Variants in PTPRD observed in about 807,000 individuals in gnomAD.
The protein encoded by PTPRD is receptor-type tyrosine-protein phosphatase delta.
Under a neutral mutation model 214.5 loss-of-function variants are expected in PTPRD, and 34 were observed. The ratio of observed to expected loss-of-function variants is 0.16; its 90% CI spans 0.12 to 0.21. PTPRD has a LOEUF of 0.21. Ranked by LOEUF, PTPRD falls within the 10% of genes least tolerant of loss-of-function variation. The pLI is 1.00. For synonymous variants in PTPRD, 1,128 were observed against 845.7 expected, an observed-to-expected ratio of 1.33 and a Z score of -5.79; for missense variants, 2,545 against 2,398.7, an observed-to-expected ratio of 1.06 and a Z score of -1.27.
rs556597237 is a variant in PTPRD, at chr9:9,801,871, G to T, written c.-367-35020C>A. Among the ~76,000 whole-genome samples the T allele has an allele frequency of 2.0e-5, 3 of 152,060 alleles. No homozygotes were observed. The East Asian group carries it at 5.8e-4, about 29-fold the overall frequency. On this transcript the variant is annotated intron_variant, in intron 5 of 45. Coordinates refer to ENST00000381196, the MANE Select transcript of PTPRD (RefSeq NM_002839.4). ...GGCATTTCCATCAGGATACATGTTG[G>T]CACAAAACTCAGGCAAGCAGTGCTT...
intron 8 of PTPRD, among the ~76,000 whole-genome samples, chr9:9,433,118 TAAAG>T (rs2083872838): frequency 6.6e-6 from 1 of 152,098 alleles, no homozygotes; most frequent in African/African-American, 2.4e-5. Context: ...GAAGAAAAAG[TAAAG>T]AAAGTGGCAG....
chr9:8,517,870 T>C lies in PTPRD; in HGVS notation c.1521A>G (p.Ile507Met), dbSNP rs1377861449. ...SIGDGPLSSD[I>M]QVITQTGVPG... ...TACCTCCTGTCTGAGTGATGACTTG[T>C]ATGTCACTTGAAAGGGGACCATCTC... Residue 507 changes from isoleucine (I) to methionine (M), a missense_variant, in exon 21 of 46, where the codon ATA becomes ATG. Transcript: ENST00000381196. 3 of 1,613,760 alleles carry C rather than the reference T, an allele frequency of 1.9e-6. No homozygotes were observed. Among genetic ancestry groups the C allele is most frequent in the Non-Finnish European group, 2.5e-6 (3 of 1,179,840 alleles).
intron 9 of PTPRD, among the ~76,000 whole-genome samples, chr9:9,243,152 A>T (rs955912947): frequency 2.6e-5 from 4 of 152,102 alleles, no homozygotes; most frequent in African/African-American, 9.7e-5. Context: ...GCTGCAGAAC[A>T]GCAAATATTG....
intron 9 of PTPRD, among the ~76,000 whole-genome samples, chr9:9,250,049 T>C (rs2099974822): frequency 6.6e-6 from 1 of 152,078 alleles, no homozygotes; most frequent in African/African-American, 2.4e-5. Flanking sequence ...GGGGAAATCA[T>C]TTTTAATATG....
At chr9:9,501,415 T>C (rs927974576) in intron 8 of PTPRD, among the ~76,000 whole-genome samples, 17 of 151,858 alleles carry the variant, frequency 1.1e-4, no homozygotes, top group Non-Finnish European at 2.5e-4. Context: ...TCAATTCACA[T>C]AAAGACATAA....
chr9:10,282,883 C>G (rs1596099162), intron 3 of PTPRD, among the ~76,000 whole-genome samples: 1 of 152,072 alleles, frequency 6.6e-6, no homozygotes, highest in Non-Finnish European at 1.5e-5. Context: ...CTCAAAGAAA[C>G]CTTCCTTGAA....
chr9:9,866,721 G>T (rs1447292340), intron 5 of PTPRD, among the ~76,000 whole-genome samples: 1 of 152,044 alleles, frequency 6.6e-6, no homozygotes, highest in South Asian at 2.1e-4. Context: ...ATACGCCCTT[G>T]TGGAAAACAT....
At chr9:9,845,165 AAT>A (rs34892220) in intron 5 of PTPRD, among the ~76,000 whole-genome samples, 112 of 5,532 alleles carry the variant, frequency 0.02, 11 homozygotes, top group Non-Finnish European at 0.039. Context: ...TATATAGAGC[AAT>A]ATATATATAT....
intron 3 of PTPRD, among the ~76,000 whole-genome samples, chr9:10,308,182 G>C (rs1045447981): frequency 1.5e-4 from 23 of 151,810 alleles, no homozygotes; most frequent in African/African-American, 5.6e-4. Context: ...TCTTATAGTA[G>C]TTTTGTAATT....
intron 5 of PTPRD, among the ~76,000 whole-genome samples, chr9:9,838,840 C>A (rs1219234655): frequency 6.6e-6 from 1 of 151,992 alleles, no homozygotes; most frequent in Admixed American, 6.6e-5. Flanking sequence ...AAGTCCTTGC[C>A]CATGCCTATG....
At chr9:9,931,237 T>C (rs954356857) in intron 5 of PTPRD, among the ~76,000 whole-genome samples, 9 of 152,136 alleles carry the variant, frequency 5.9e-5, no homozygotes, top group Non-Finnish European at 1.2e-4. Context: ...GATGGCCGAA[T>C]AGGAACAGCT....
At chr9:9,641,127 G>A (rs1462359853) in intron 7 of PTPRD, among the ~76,000 whole-genome samples, 1 of 97,208 alleles carries the variant, frequency 1.0e-5, no homozygotes, top group African/African-American at 2.7e-5. Flanking sequence ...GGGGCAGAAG[G>A]GAATTGCAAT....
intron 3 of PTPRD, among the ~76,000 whole-genome samples, chr9:10,037,144 G>C (rs1462933862): frequency 1.3e-5 from 2 of 152,036 alleles, no homozygotes; most frequent in African/African-American, 2.4e-5. Context: ...TTCTGCCTCA[G>C]CCTCCCAAAG....
intron 37 of PTPRD, among the ~76,000 whole-genome samples, chr9:8,378,077 C>G (rs978502009): frequency 6.6e-6 from 1 of 152,072 alleles, no homozygotes; most frequent in Non-Finnish European, 1.5e-5. Flanking sequence ...TTGATTTCAA[C>G]TTTGAGACCA....
chr9:8,549,968 A>G (rs2140668133), intron 14 of PTPRD, among the ~76,000 whole-genome samples: 1 of 152,332 alleles, frequency 6.6e-6, no homozygotes, highest in East Asian at 1.9e-4. Flanking sequence ...AAGAAGATTA[A>G]AATTAATGTA....
At chr9:8,914,329 T>C (rs1473908903) in intron 11 of PTPRD, among the ~76,000 whole-genome samples, 1 of 152,162 alleles carries the variant, frequency 6.6e-6, no homozygotes. Flanking sequence ...AAATTTGTTC[T>C]TACCAAATAA....
intron 3 of PTPRD, among the ~76,000 whole-genome samples, chr9:10,325,666 A>C (rs116929691): frequency 0.035 from 5,267 of 152,006 alleles, 122 homozygotes; most frequent in Non-Finnish European, 0.052. Context: ...TGAACATACC[A>C]AACAATAGCT....
intron 34 of PTPRD, among the ~76,000 whole-genome samples, chr9:8,443,980 T>A (rs1183932689): frequency 6.6e-6 from 1 of 152,216 alleles, no homozygotes; most frequent in Non-Finnish European, 1.5e-5. Flanking sequence ...CTAAAGGCCA[T>A]GGGCCAGAGG....
chr9:8,783,641 TGAAGCCCACTG>T (rs2095826969), intron 11 of PTPRD, among the ~76,000 whole-genome samples: 1 of 152,186 alleles, frequency 6.6e-6, no homozygotes. Context: ...TACCTCAAGG[TGAAGCCCACTG>T]GTGCTTGAGA....
Sources: gnomAD v4.1 joint callset for allele counts (sites outside exome capture counted in the v4.1 genomes callset) on GRCh38, gnomAD v4.1.1 for gene constraint, MANE v1.5 for transcripts, NCBI Gene and HGNC (gene_info 2026-07-23, HGNC 2026-07-21) for gene names.